Variants in ANKRD34A observed in about 807,000 individuals in gnomAD.
ANKRD34A encodes the protein ankyrin repeat domain-containing protein 34A.
Under a neutral mutation model 27.1 loss-of-function variants are expected in ANKRD34A, and 7 were observed. That is an observed-to-expected ratio of 0.26 (90% confidence interval 0.15 to 0.49). ANKRD34A has a LOEUF of 0.49. ANKRD34A is among the 20% of genes least tolerant of loss of function. The probability of loss-of-function intolerance (pLI) is 0.99; values close to 1 mark genes in which losing one functional copy is unlikely to be tolerated. For synonymous variants in ANKRD34A, 301 were observed against 300.8 expected, an observed-to-expected ratio of 1.00 and a Z score of -0.01; for missense variants, 472 against 682.1, an observed-to-expected ratio of 0.69 and a Z score of 3.43.
At position 145,959,950 on chromosome 1, in the gene ANKRD34A, A is replaced by G; in HGVS notation, c.*319T>C. 1 of 345,322 alleles carries G rather than the reference A, an allele frequency of 2.9e-6. No individual in the cohort carries two copies. The highest frequency in any genetic ancestry group is 5.5e-6 in the Non-Finnish European group (1 of 183,264). The allele number at this position is 345,322 out of a possible 1,614,324, so 21.4% of individuals were successfully genotyped here. The stretch of plus-strand genomic sequence containing the variant: ...AAGGGTTCCCTACTGCTTCTGAACA[A>G]ATGCAAGAGAGTTTGGGACCCTAGC... On this transcript the variant is annotated 3_prime_UTR_variant, in exon 4 of 4. Coordinates refer to ENST00000606888, the MANE Select transcript of ANKRD34A (RefSeq NM_001039888.4).
In ANKRD34A at chr1:145,961,110, G is replaced by A; in HGVS notation, c.650C>T (p.Pro217Leu). ...TGGGTCATCGGGGGGCTTAGGAAGA[G>A]GGAATTCAAATACGTCCCGCTTCTC... ...EEEKRDVFEF[P>L]LPKPPDDPSP... is the part of the protein sequence containing the mutation. Residue 217 changes from proline to leucine, a missense_variant, in exon 4 of 4, where the codon CCT (proline) becomes CTT (leucine). Coordinates refer to ENST00000606888, the MANE Select transcript of ANKRD34A (RefSeq NM_001039888.4). This position sits in a 1 kb window ranked among gnomAD's most constrained non-coding sequence, Gnocchi z 9.5. 3.7e-6 allele frequency: 6 copies of A among 1,613,926 alleles called. No individual in the cohort carries two copies. Among genetic ancestry groups the A allele is most frequent in the South Asian group, 1.1e-5 (1 of 91,074 alleles).
rs1164180581 is a variant in ANKRD34A at position 145,962,662 on chromosome 1, A to G, written c.-362T>C. The G allele has an allele frequency of 3.4e-4, 18 of 53,620 alleles. No homozygotes were observed. Among genetic ancestry groups the G allele is most frequent in the Admixed American group, 8.8e-4 (3 of 3,396 alleles). The allele number at this position is 53,620 out of a possible 1,614,324, so 3.3% of individuals were successfully genotyped here. On this transcript the variant is annotated 5_prime_UTR_variant, in exon 3 of 4. Transcript: ENST00000606888. ...GGGGGGGGGGGGGGGGGGGGGGCGG[A>G]GCTCTGCTGTGCTATTTATAGCCTA...
Position 145,961,085 on chromosome 1 carries a change from T to C in ANKRD34A, c.675A>G (p.Pro225=). The C allele has an allele frequency of 6.2e-7, 1 of 1,613,552 alleles. No homozygotes were observed. Among genetic ancestry groups the C allele is most frequent in the Non-Finnish European group, 8.5e-7 (1 of 1,179,758 alleles). ...GTTTGGGGAGCGGCTCGGAAGGGGA[T>C]GGGTCATCGGGGGGCTTAGGAAGAG... The part of the protein sequence containing the change: ...EFPLPKPPDD[P]SPSEPLPKPP... The change falls in exon 4 of 4, where the codon CCA becomes CCG. Residue 225 remains proline (P), a synonymous_variant. Coordinates refer to ENST00000606888, the MANE Select transcript of ANKRD34A (RefSeq NM_001039888.4). The surrounding 1 kb of genome is among the most constrained non-coding windows in gnomAD (Gnocchi z 9.5).
chr1:145,960,835 C>A lies in ANKRD34A; in HGVS notation c.925G>T (p.Gly309Cys), dbSNP rs1353252624. ...PPWAEKVTSG[G>C]PLSRRNTAPE... ...GCTGTGTTTCGGCGAGAGAGAGGAC[C>A]CCCGCTAGTCACTTTCTCCGCCCAT... The change falls in exon 4 of 4, where the codon GGT becomes TGT. Residue 309 changes from glycine to cysteine, a missense_variant. Transcript: ENST00000606888. This position sits in a 1 kb window ranked among gnomAD's most constrained non-coding sequence, Gnocchi z 5.5. 5.6e-6 allele frequency: 9 copies of A among 1,614,108 alleles called. No individual in the cohort carries two copies. In the East Asian group the frequency reaches 1.1e-4, roughly 20 times the overall value.
intron 2 of ANKRD34A, 94 bp from the exon 3 acceptor site, chr1:145,963,062 TTTAA>T (rs1649862048): frequency 6.6e-6 from 1 of 152,456 alleles, no homozygotes; most frequent in African/African-American, 2.4e-5. Context: ...CTTCCTGTAG[TTTAA>T]TTGTGAAGGA....
chr1:145,960,320 G>C lies in ANKRD34A; in HGVS notation c.1440C>G (p.Arg480=), dbSNP rs1649678127. 1 of 1,595,772 alleles carries C rather than the reference G, an allele frequency of 6.3e-7. No individual in the cohort carries two copies. The highest frequency in any genetic ancestry group is 8.6e-7 in the Non-Finnish European group (1 of 1,169,558). The part of the protein sequence containing the change: ...RRHSMQTEQI[R]LLGGFQSLGG... Reference sequence around the variant, plus strand: ...CTAGACTCTGGAAGCCCCCCAGCAGGCGGATCTGCTCAGTCTGCATGGAGT... The same window carrying C: ...CTAGACTCTGGAAGCCCCCCAGCAGCCGGATCTGCTCAGTCTGCATGGAGT... Residue 480 remains arginine (R), a synonymous_variant, in exon 4 of 4, where the codon CGC becomes CGG. Transcript: ENST00000606888. The surrounding 1 kb of genome is among the most constrained non-coding windows in gnomAD (Gnocchi z 5.5).
chr1:145,960,388 C>T lies in ANKRD34A; in HGVS notation c.1372G>A (p.Ala458Thr), dbSNP rs147145850. Residue 458 changes from alanine to threonine, a missense_variant, in exon 4 of 4, where the codon GCG becomes ACG. Around this residue, in one of 4 missense-constraint regions of ANKRD34A, gnomAD observed 53 missense variants for 70.3 expected, o/e 0.75. Coordinates refer to ENST00000606888, the MANE Select transcript of ANKRD34A (RefSeq NM_001039888.4). The surrounding 1 kb of genome is among the most constrained non-coding windows in gnomAD (Gnocchi z 5.5). ...PSLPAPPYAG[A>T]PGSPRTKRKL... is the part of the protein sequence containing the mutation. ...CGCTTGGTCCTGGGAGAGCCTGGCG[C>T]CCCGGCATAAGGAGGGGCAGGCAAC... 6.4e-5 allele frequency: 103 copies of T among 1,613,918 alleles called. No individual in the cohort carries two copies. The African/African-American group carries it at 1.1e-3, about 17-fold the overall frequency.
rs1359080949 is a variant in ANKRD34A, at chr1:145,962,893, C to A, written c.-593G>T. The A allele has an allele frequency of 6.6e-6, 1 of 152,338 alleles. No homozygotes were observed. Among genetic ancestry groups the A allele is most frequent in the Non-Finnish European group, 1.5e-5 (1 of 68,142 alleles). 9.4% of individuals were successfully genotyped at this position (152,338 alleles called of 1,614,324 possible). The stretch of plus-strand genomic sequence containing the variant: ...GATTCTTCGCTGAGATTCAGCAGAT[C>A]CCCATTCTCCGCACTTGGTGTGTTT... On this transcript the variant is annotated 5_prime_UTR_variant, in exon 3 of 4. Coordinates refer to ENST00000606888, the MANE Select transcript of ANKRD34A (RefSeq NM_001039888.4).
chr1:145,961,484 C>T lies in ANKRD34A; in HGVS notation c.276G>A (p.Ala92=), dbSNP rs781816560. 6.3e-6 allele frequency: 10 copies of T among 1,575,172 alleles called. No individual in the cohort carries two copies. Among genetic ancestry groups the T allele is most frequent in the Non-Finnish European group, 8.6e-6 (10 of 1,160,988 alleles). ...CGTGGGCAAGGAGCAGCGAGGCCACCGCGGCGCCCCCACCCCCGGCGCAAG... is the reference window on the plus strand; with the variant it reads ...CGTGGGCAAGGAGCAGCGAGGCCACTGCGGCGCCCCCACCCCCGGCGCAAG... ...MHACAGGGGA[A]VASLLLAHGA... The change falls in exon 4 of 4, where the codon GCG becomes GCA. Residue 92 remains alanine, a synonymous_variant. Transcript: ENST00000606888. This position sits in a 1 kb window ranked among gnomAD's most constrained non-coding sequence, Gnocchi z 9.5.
Position 145,960,542 on chromosome 1 carries a change from C to T in ANKRD34A, c.1218G>A (p.Arg406=). The change falls in exon 4 of 4, where the codon CGG becomes CGA. Residue 406 remains arginine, a synonymous_variant. Coordinates refer to ENST00000606888, the MANE Select transcript of ANKRD34A (RefSeq NM_001039888.4). The surrounding 1 kb of genome is among the most constrained non-coding windows in gnomAD (Gnocchi z 5.5). ...CCAGGAGCAACGTCCCCGAGCCCCT[C>T]CGCTCCAGCAGCCCCGGACTCCGCC... ...GRRRSPGLLE[R]RGSGTLLLDH... 6.3e-7 allele frequency: 1 copy of T among 1,587,188 alleles called. No homozygotes were observed. The highest frequency in any genetic ancestry group is 8.6e-7 in the Non-Finnish European group (1 of 1,166,666).
rs202083168 is a variant in ANKRD34A, at chr1:145,960,964, G to T, written c.796C>A (p.Pro266Thr). Residue 266 changes from proline (P) to threonine (T), a missense_variant, in exon 4 of 4, where the codon CCG (proline) becomes ACG (threonine). Transcript: ENST00000606888. This position sits in a 1 kb window ranked among gnomAD's most constrained non-coding sequence, Gnocchi z 5.5. ...TCGGCAGTCAAGCGCTCGATCCCCG[G>T]TCTCCCTTCAGTGGGTGGGACTGGT... ...PQPVPPTEGR[P>T]GIERLTAEFN... The T allele has an allele frequency of 6.2e-7, 1 of 1,614,214 alleles. No individual in the cohort carries two copies. Among genetic ancestry groups the T allele is most frequent in the Non-Finnish European group, 8.5e-7 (1 of 1,180,036 alleles).
chr1:145,961,716 T>G lies in ANKRD34A; in HGVS notation c.44A>C (p.Gln15Pro). 1 of 1,613,816 alleles carries G rather than the reference T, an allele frequency of 6.2e-7. No homozygotes were observed. The highest frequency in any genetic ancestry group is 8.5e-7 in the Non-Finnish European group (1 of 1,179,878). ...EGHALLRAVG[Q>P]GKLRLARLLL... is the part of the protein sequence containing the mutation. Reference sequence around the variant, plus strand: ...CAAACGGGCCAAGCGTAGCTTACCCTGACCCACCGCCCGAAGAAGAGCGTG... The same window carrying G: ...CAAACGGGCCAAGCGTAGCTTACCCGGACCCACCGCCCGAAGAAGAGCGTG... Residue 15 changes from glutamine (Q) to proline (P), a missense_variant, in exon 4 of 4, where the codon CAG becomes CCG. Physicochemically the swap from Gln to Pro is moderately conservative, Grantham distance 76. Around this residue, in one of 4 missense-constraint regions of ANKRD34A, gnomAD observed 118 missense variants for 253.6 expected, o/e 0.47. Transcript: ENST00000606888. This position sits in a 1 kb window ranked among gnomAD's most constrained non-coding sequence, Gnocchi z 9.5.
Position 145,960,794 on chromosome 1 carries a change from C to T in ANKRD34A, c.966G>A (p.Glu322=). 1.2e-6 allele frequency: 2 copies of T among 1,614,266 alleles called. No homozygotes were observed. The highest frequency in any genetic ancestry group is 1.7e-5 in the Admixed American group (1 of 60,034). ...GCCTCAGCCCTGAAGGGGGACCAGA[C>T]TCCTGAGCTTCTGGTGCTGTGTTTC... ...SRRNTAPEAQ[E]SGPPSGLRQK... Residue 322 remains glutamate, a synonymous_variant, in exon 4 of 4, where the codon GAG becomes GAA. Coordinates refer to ENST00000606888, the MANE Select transcript of ANKRD34A (RefSeq NM_001039888.4). The surrounding 1 kb of genome is among the most constrained non-coding windows in gnomAD (Gnocchi z 5.5).
rs1649924231 is a variant in ANKRD34A, at chr1:145,964,539, C to G, written c.-1252G>C. The G allele has an allele frequency of 6.6e-6, 1 of 152,270 alleles. No individual in the cohort carries two copies. Among genetic ancestry groups the G allele is most frequent in the Non-Finnish European group, 1.5e-5 (1 of 68,080 alleles). The allele number at this position is 152,270 out of a possible 1,614,324, so 9.4% of individuals were successfully genotyped here. A position where few individuals can be genotyped will look rare whatever the true frequency, so the allele number is the denominator to read the frequency against. ...AGCTGATTCTGCAACGCCCATCTCTCTCTGCGACCCGCTTCGCAAGCTTCG... is the reference window on the plus strand; with the variant it reads ...AGCTGATTCTGCAACGCCCATCTCTGTCTGCGACCCGCTTCGCAAGCTTCG... On this transcript the variant is annotated 5_prime_UTR_variant, in exon 1 of 4. Coordinates refer to ENST00000606888, the MANE Select transcript of ANKRD34A (RefSeq NM_001039888.4).
rs1649675133 is a variant in ANKRD34A at position 145,960,283 on chromosome 1, C to T, written c.1477G>A (p.Glu493Lys). Residue 493 changes from glutamate to lysine, a missense_variant, in exon 4 of 4, where the codon GAG becomes AAG. By Grantham distance (56) the Glu-to-Lys change is moderately conservative. Around this residue, in one of 4 missense-constraint regions of ANKRD34A, gnomAD observed 53 missense variants for 70.3 expected, o/e 0.75. Transcript: ENST00000606888. This position sits in a 1 kb window ranked among gnomAD's most constrained non-coding sequence, Gnocchi z 5.5. The part of the protein sequence containing the change: ...GGFQSLGGPG[E>K]PGR ...TCTCACTCCTCTCAGCGCCCTGGCT[C>T]CCCAGGCCCACCTAGACTCTGGAAG... is the stretch of plus-strand genomic sequence containing the variant. The T allele has an allele frequency of 1.3e-6, 2 of 1,538,406 alleles. No individual in the cohort carries two copies. The highest frequency in any genetic ancestry group is 1.8e-6 in the Non-Finnish European group (2 of 1,141,740).
chr1:145,961,907 T>C lies in ANKRD34A; in HGVS notation c.-120-28A>G. 1.0e-6 allele frequency: 1 copy of C among 973,050 alleles called. No homozygotes were observed. The highest frequency in any genetic ancestry group is 1.5e-6 in the Non-Finnish European group (1 of 681,760). 60.3% of individuals were successfully genotyped at this position (973,050 alleles called of 1,614,324 possible). A position where few individuals can be genotyped will look rare whatever the true frequency, so the allele number is the denominator to read the frequency against. On this transcript the variant is annotated intron_variant, in intron 3 of 3. Transcript: ENST00000606888. The surrounding 1 kb of genome is among the most constrained non-coding windows in gnomAD (Gnocchi z 9.5). ...GCAAGAGAGACATCTCATTGATAGA[T>C]TCGGCAGGAAAACTGAGGCACAGAT...
Position 145,960,409 on chromosome 1 carries a change from G to A in ANKRD34A, c.1351C>T (p.Pro451Ser). 1.4e-6 allele frequency: 2 copies of A among 1,435,648 alleles called. No individual in the cohort carries two copies. Among genetic ancestry groups the A allele is most frequent in the Non-Finnish European group, 1.9e-6 (2 of 1,070,506 alleles). 88.9% of individuals were successfully genotyped at this position (1,435,648 alleles called of 1,614,324 possible). A position where few individuals can be genotyped will look rare whatever the true frequency, so the allele number is the denominator to read the frequency against. Reference protein sequence around the residue: ...PQPGGRAPSLPAPPYAGAPGS... With the variant: ...PQPGGRAPSLSAPPYAGAPGS... ...GGCGCCCCGGCATAAGGAGGGGCAG[G>A]CAACGAAGGCGCCCGACCTCCGGGT... The change falls in exon 4 of 4, where the codon CCT (proline) becomes TCT (serine). Residue 451 changes from proline (P) to serine (S), a missense_variant. Around this residue, in one of 4 missense-constraint regions of ANKRD34A, gnomAD observed 53 missense variants for 70.3 expected, o/e 0.75. Coordinates refer to ENST00000606888, the MANE Select transcript of ANKRD34A (RefSeq NM_001039888.4). The surrounding 1 kb of genome is among the most constrained non-coding windows in gnomAD (Gnocchi z 5.5).
intron 3 of ANKRD34A, chr1:145,962,204 C>T (rs587702830): frequency 5.5e-5 from 10 of 181,838 alleles, no homozygotes; most frequent in Middle Eastern, 2.5e-3. Context: ...CTGAACGCCA[C>T]CCACCCACAT....
At position 145,962,635 on chromosome 1, in the gene ANKRD34A, CGGGGGGGGGGGGG is replaced by C. The variant is rs1226411813; in HGVS notation, c.-348_-336del. Reference sequence around the variant, plus strand: ...CCGGCTCGGGAGGAGAGAAGCTTGGCGGGGGGGGGGGGGGGGGGGGGGGCGGAGCTCTGCTGTG... The same window carrying C: ...CCGGCTCGGGAGGAGAGAAGCTTGGCGGGGGGGGGGCGGAGCTCTGCTGTG... On this transcript the variant is annotated 5_prime_UTR_variant, in exon 3 of 4. Coordinates refer to ENST00000606888, the MANE Select transcript of ANKRD34A (RefSeq NM_001039888.4). The C allele has an allele frequency of 8.7e-4, 2 of 2,298 alleles. No individual in the cohort carries two copies. Among genetic ancestry groups the C allele is most frequent in the East Asian group, 5.4e-3 (1 of 184 alleles). 0.1% of individuals were successfully genotyped at this position (2,298 alleles called of 1,614,324 possible). A position where few individuals can be genotyped will look rare whatever the true frequency, so the allele number is the denominator to read the frequency against.
Sources: allele counts gnomAD v4.1 joint callset, GRCh38; gene constraint gnomAD v4.1.1; regional missense constraint gnomAD v4.1.1; non-coding constraint Gnocchi (gnomAD v3.1); transcripts MANE v1.5; gene names NCBI Gene and HGNC (gene_info 2026-07-23, HGNC 2026-07-21).